ACSL4: variants seen among roughly 807,000 people sequenced by gnomAD.
The protein encoded by ACSL4 is long-chain-fatty-acid--CoA ligase 4.
In ACSL4, 9 loss-of-function variants were observed where a neutral mutation model predicts 49.1. The ratio of observed to expected loss-of-function variants is 0.18; its 90% confidence interval spans 0.11 to 0.32. The LOEUF is 0.32. Among genes scored for constraint, ACSL4 ranks in the 10% least tolerant of loss-of-function variants. The pLI is 1.00. For synonymous variants in ACSL4, 191 were observed against 170.3 expected, an observed-to-expected ratio of 1.12 and a Z score of -0.95; for missense variants, 333 against 493.7, an observed-to-expected ratio of 0.67 and a Z score of 3.08.
intron 1 of ACSL4, among the ~76,000 whole-genome samples, chrX:109,708,002 T>A (rs1272930661): frequency 8.9e-6 from 1 of 111,891 alleles, no homozygotes; most frequent in Non-Finnish European, 1.9e-5. Flanking sequence ...AGGAATCCAG[T>A]GGTGCAATCT....
intron 2 of ACSL4, among the ~76,000 whole-genome samples, chrX:109,689,676 C>T (rs1333566830): frequency 8.9e-6 from 1 of 111,895 alleles, no homozygotes; most frequent in Non-Finnish European, 1.9e-5. Flanking sequence ...ACTCAAAGAA[C>T]ACCTTCTCAG....
chrX:109,645,018 C>A (rs894962736), intron 15 of ACSL4, among the ~76,000 whole-genome samples: 2 of 112,975 alleles, frequency 1.8e-5, no homozygotes, highest in African/African-American at 3.2e-5. Flanking sequence ...CTCGGAGGGT[C>A]CTACGCCCAC....
chrX:109,685,694 T>C (rs986144210), intron 2 of ACSL4, among the ~76,000 whole-genome samples: 6 of 110,082 alleles, frequency 5.5e-5, no homozygotes, highest in African/African-American at 2.0e-4. Context: ...AGTCACTGGG[T>C]GTCAATCCTC....
chrX:109,701,860 AAAC>A (rs1336038728), intron 1 of ACSL4, among the ~76,000 whole-genome samples: 1 of 100,237 alleles, frequency 1.0e-5, no homozygotes, highest in Non-Finnish European at 2.0e-5. Flanking sequence ...TACAATTTTT[AAAC>A]AACAATTGAA....
At chrX:109,663,114 G>A in intron 13 of ACSL4, 97 bp downstream of exon 13, 1 of 800,092 alleles carries the variant, frequency 1.2e-6, no homozygotes, top group Non-Finnish European at 1.8e-6. Context: ...TTGAACTAAT[G>A]GAACCATCAA....
chrX:109,671,487 C>A (rs1603403471), intron 9 of ACSL4, among the ~76,000 whole-genome samples: 1 of 109,792 alleles, frequency 9.1e-6, no homozygotes, highest in Middle Eastern at 4.4e-3. Flanking sequence ...CCACCCCGTC[C>A]GGGAGGTGGC....
chrX:109,731,053 A>T (rs1335745524), intron 1 of ACSL4, among the ~76,000 whole-genome samples: 2 of 111,823 alleles, frequency 1.8e-5, no homozygotes, highest in African/African-American at 6.5e-5. Flanking sequence ...AATTAACATA[A>T]TACCCAACAT....
intron 1 of ACSL4, among the ~76,000 whole-genome samples, chrX:109,706,616 C>T (rs1342802591): frequency 8.9e-6 from 1 of 112,432 alleles, no homozygotes; most frequent in Non-Finnish European, 1.9e-5. Context: ...GGGGAAAAAA[C>T]TTTCAACATA....
At chrX:109,648,791 A>C (rs1326503405) in intron 15 of ACSL4, among the ~76,000 whole-genome samples, 1 of 100,985 alleles carries the variant, frequency 9.9e-6, no homozygotes, top group African/African-American at 3.6e-5. Flanking sequence ...GTCTCAGCCC[A>C]AAATCTCCTT....
intron 1 of ACSL4, among the ~76,000 whole-genome samples, chrX:109,701,655 C>G (rs1354104156): frequency 2.2e-4 from 23 of 104,127 alleles, no homozygotes; most frequent in African/African-American, 8.1e-4. Context: ...CACCATTCTC[C>G]TGCCTCAGCC....
chrX:109,730,294 T>G lies in ACSL4; in HGVS notation c.-66+2845A>C, dbSNP rs1411181417. On this transcript the variant is annotated intron_variant, in intron 1 of 15. Transcript: ENST00000672401. ...AGTTAAAAGGGAAAGAAAGAGTATA[T>G]AAGACCAGCCAATGGTAGAAGTGGA... Among the ~76,000 whole-genome samples the G allele has an allele frequency of 3.6e-5, 4 of 112,240 alleles. No homozygotes were observed. The South Asian group carries it at 1.5e-3, about 41-fold the overall frequency.
chrX:109,686,624 C>T (rs1924624873), intron 2 of ACSL4, among the ~76,000 whole-genome samples: 1 of 111,609 alleles, frequency 9.0e-6, no homozygotes, highest in South Asian at 3.7e-4. Context: ...AGAGCCTGTA[C>T]TTTAGTTGGA....
At chrX:109,650,428 CA>C (rs1289999521) in intron 15 of ACSL4, among the ~76,000 whole-genome samples, 5 of 98,669 alleles carry the variant, frequency 5.1e-5, no homozygotes, top group African/African-American at 1.9e-4. Context: ...ATCGCAAGAA[CA>C]AAAAACCAAA....
chrX:109,658,755 C>T (rs983699302), intron 15 of ACSL4, among the ~76,000 whole-genome samples: 4 of 111,575 alleles, frequency 3.6e-5, no homozygotes, highest in African/African-American at 1.3e-4. Flanking sequence ...AGGTTAGGTA[C>T]CCTCATCTGT....
chrX:109,668,495 A>G (rs1200368449), intron 10 of ACSL4, among the ~76,000 whole-genome samples: 1 of 111,708 alleles, frequency 9.0e-6, no homozygotes, highest in African/African-American at 3.3e-5. Context: ...GCATCGGGAA[A>G]CTATGCTGAC....
At chrX:109,677,209 G>A (rs1462303745) in intron 8 of ACSL4, among the ~76,000 whole-genome samples, 4 of 109,631 alleles carry the variant, frequency 3.6e-5, no homozygotes, top group East Asian at 5.8e-4. Context: ...TGATCCACCC[G>A]CCTCGGCCTC....
At chrX:109,652,622 G>C (rs923839395) in intron 15 of ACSL4, among the ~76,000 whole-genome samples, 1 of 111,056 alleles carries the variant, frequency 9.0e-6, no homozygotes, top group African/African-American at 3.3e-5. Flanking sequence ...TATATTTAAA[G>C]AAAATACTAT....
chrX:109,683,808 C>T (rs888845846), intron 2 of ACSL4: 1 of 205,078 alleles, frequency 4.9e-6, no homozygotes, highest in African/African-American at 3.0e-5. Context: ...CAATTAATTA[C>T]AGAAAGCTGA....
chrX:109,709,257 A>G (rs866716693), intron 1 of ACSL4, among the ~76,000 whole-genome samples: 4 of 112,194 alleles, frequency 3.6e-5, no homozygotes, highest in African/African-American at 1.3e-4. Flanking sequence ...TACTTTCCAC[A>G]CGGGTGATCA....
Sources: gnomAD v4.1 joint callset for allele counts (sites outside exome capture counted in the v4.1 genomes callset) on GRCh38, gnomAD v4.1.1 for gene constraint, MANE v1.5 for transcripts, NCBI Gene and HGNC (gene_info 2026-07-23, HGNC 2026-07-21) for gene names.